The following PIK3C2G variants were observed in gnomAD, a reference collection of about 807,000 sequenced individuals.
PIK3C2G encodes phosphatidylinositol-4-phosphate 3-kinase catalytic subunit type 2 gamma, also known as phosphatidylinositol 3-kinase C2 domain-containing subunit gamma.
Under a neutral mutation model 181.1 loss-of-function variants are expected in PIK3C2G, and 168 were observed. The observed-to-expected ratio is 0.93, with a 90% CI of 0.82 to 1.05. The LOEUF is 1.05. Among genes scored for constraint, PIK3C2G ranks in the 50% least tolerant of loss-of-function variants. PIK3C2G has a pLI of 0.00. For missense variants in PIK3C2G, 1,869 were observed against 1,732.8 expected (o/e 1.08, Z -1.40); for synonymous variants, 573 against 592.2 (o/e 0.97, Z 0.47).
intron 26 of PIK3C2G, among the ~76,000 whole-genome samples, chr12:18,549,281 G>C (rs977383762): frequency 5.9e-5 from 9 of 151,918 alleles, no homozygotes; most frequent in Non-Finnish European, 1.0e-4. Flanking sequence ...GTAAAGCAGG[G>C]AATGTATTCC....
intron 16 of PIK3C2G, among the ~76,000 whole-genome samples, chr12:18,409,207 C>A (rs1273244966): frequency 6.6e-6 from 1 of 152,140 alleles, no homozygotes; most frequent in African/African-American, 2.4e-5. Flanking sequence ...CCATGGAATA[C>A]TATGCAGCCA....
chr12:18,249,065 T>A (rs1948070573), intron 1 of PIK3C2G, among the ~76,000 whole-genome samples: 1 of 152,188 alleles, frequency 6.6e-6, no homozygotes, highest in East Asian at 1.9e-4. Flanking sequence ...GACAATATCA[T>A]CAATCTGTTA....
At chr12:18,449,558 T>G (rs1220554969) in intron 18 of PIK3C2G, among the ~76,000 whole-genome samples, 1 of 152,146 alleles carries the variant, frequency 6.6e-6, no homozygotes, top group African/African-American at 2.4e-5. Context: ...GTATTTGGTC[T>G]CCTGTTCCTG....
At chr12:18,278,441 A>G (rs1949076020) in intron 1 of PIK3C2G, among the ~76,000 whole-genome samples, 1 of 152,150 alleles carries the variant, frequency 6.6e-6, no homozygotes, top group South Asian at 2.1e-4. Context: ...CAATGAGATA[A>G]TCTTTCTATT....
intron 18 of PIK3C2G, among the ~76,000 whole-genome samples, chr12:18,426,178 C>T (rs1592229918): frequency 6.6e-6 from 1 of 151,810 alleles, no homozygotes; most frequent in East Asian, 1.9e-4. Flanking sequence ...TGTTTATTAA[C>T]AAAAAAAATT....
intron 18 of PIK3C2G, among the ~76,000 whole-genome samples, chr12:18,479,794 T>C (rs1592365018): frequency 6.6e-6 from 1 of 152,276 alleles, no homozygotes; most frequent in Non-Finnish European, 1.5e-5. Context: ...CAAGGAGCCC[T>C]GAGTTGTTGT....
Position 18,474,063 on chromosome 12 carries a change from C to T in PIK3C2G, c.2505-14386C>T, listed in dbSNP as rs557261469. Among the ~76,000 whole-genome samples the T allele has an allele frequency of 4.6e-5, 7 of 152,158 alleles. No homozygotes were observed. The South Asian group carries it at 1.2e-3, about 27-fold the overall frequency. Reference sequence around the variant, plus strand: ...ACAATCTGAGCTAGTATTCAAACTGCCTATTTTTGTGAATACCAAGAACAA... The same window carrying T: ...ACAATCTGAGCTAGTATTCAAACTGTCTATTTTTGTGAATACCAAGAACAA... On this transcript the variant is annotated intron_variant, in intron 18 of 32. Transcript: ENST00000538779.
chr12:18,304,321 A>G (rs959843541), intron 5 of PIK3C2G, among the ~76,000 whole-genome samples: 3 of 152,102 alleles, frequency 2.0e-5, no homozygotes, highest in African/African-American at 7.2e-5. Flanking sequence ...CAGTGGCACA[A>G]TCTCGTCTCA....
chr12:18,726,193 T>C, the PIK3C2G span, among the ~76,000 whole-genome samples: 1 of 152,096 alleles, frequency 6.6e-6, no homozygotes, highest in African/African-American at 2.4e-5. Flanking sequence ...GAAAAGAGAT[T>C]TAAAAATGCA....
intron 29 of PIK3C2G, among the ~76,000 whole-genome samples, chr12:18,568,880 AT>A (rs1353416380): frequency 1.3e-5 from 2 of 151,764 alleles, no homozygotes; most frequent in Non-Finnish European, 2.9e-5. Context: ...TCTTCTTACT[AT>A]TTTTTTTCAC....
chr12:18,491,733 G>T (rs975106078), intron 20 of PIK3C2G, among the ~76,000 whole-genome samples, 175 bp downstream of exon 20: 1 of 151,892 alleles, frequency 6.6e-6, no homozygotes, highest in African/African-American at 2.4e-5. Flanking sequence ...AAGACCAGTT[G>T]GGATCACATT....
At position 18,416,121 on chromosome 12, in the gene PIK3C2G, T is replaced by C. The variant is rs1945163569; in HGVS notation, c.2316-4820T>C. 2.0e-5 allele frequency among the ~76,000 whole-genome samples: 3 copies of C among 152,088 alleles called. No individual in the cohort carries two copies. The South Asian group carries it at 6.2e-4, about 31-fold the overall frequency. Reference sequence around the variant, plus strand: ...TTAGCTGGGTGTGGTGGCGGGTGCCTAAAATCCCAGCTACTCAGGAGGCTG... The same window carrying C: ...TTAGCTGGGTGTGGTGGCGGGTGCCCAAAATCCCAGCTACTCAGGAGGCTG... On this transcript the variant is annotated intron_variant, in intron 16 of 32. Transcript: ENST00000538779.
At chr12:18,638,062 TTCTG>T (rs1949682046) in intron 31 of PIK3C2G, among the ~76,000 whole-genome samples, 2 of 152,298 alleles carry the variant, frequency 1.3e-5, no homozygotes, top group East Asian at 3.9e-4. Context: ...TTACCCAGAT[TTCTG>T]TCTGTAAGAA....
chr12:18,715,813 GTTT>G, the PIK3C2G span: 1 of 152,044 alleles, frequency 6.6e-6, no homozygotes, highest in Non-Finnish European at 1.5e-5. Flanking sequence ...ATCTGCTTTG[GTTT>G]TTGTTTGTTT....
the PIK3C2G span, among the ~76,000 whole-genome samples, chr12:18,679,222 C>T: frequency 2.0e-5 from 3 of 151,658 alleles, no homozygotes; most frequent in Admixed American, 6.6e-5. Context: ...GGATATAAGT[C>T]CTTTGATATA....
intron 8 of PIK3C2G, among the ~76,000 whole-genome samples, chr12:18,329,658 TTATC>T (rs1382489982): frequency 2.2e-4 from 34 of 152,182 alleles, no homozygotes; most frequent in Admixed American, 2.0e-3. Context: ...GGACTTCAAT[TTATC>T]TATCCCACTT....
the PIK3C2G span, among the ~76,000 whole-genome samples, chr12:18,708,509 C>T: frequency 2.0e-5 from 3 of 152,106 alleles, no homozygotes; most frequent in Non-Finnish European, 4.4e-5. Context: ...ATTTAATTCC[C>T]TTTGGGTATG....
chr12:18,650,293 TTCTCTCTCTCTCTCTCTC>T (rs140285960), downstream of PIK3C2G, among the ~76,000 whole-genome samples: 285 of 87,734 alleles, frequency 3.2e-3, 1 homozygote, highest in Non-Finnish European at 4.8e-3. Context: ...TAACCCAAAT[TTCTCTCTCTCTCTCTCTC>T]TCTCTCTCTC....
At chr12:18,541,233 A>C (rs1944134074) in intron 25 of PIK3C2G, among the ~76,000 whole-genome samples, 2 of 151,956 alleles carry the variant, frequency 1.3e-5, no homozygotes, top group Non-Finnish European at 2.9e-5. Context: ...GGTCCACTAC[A>C]GAGTTAATGG....
Sources: gnomAD v4.1 joint callset for allele counts (sites outside exome capture counted in the v4.1 genomes callset) on GRCh38, gnomAD v4.1.1 for gene constraint, MANE v1.5 for transcripts, NCBI Gene and HGNC (gene_info 2026-07-23, HGNC 2026-07-21) for gene names.